Variants in CUBN observed in about 807,000 individuals in gnomAD.
CUBN encodes 460 kDa receptor.
CUBN carries 282 observed loss-of-function variants against 405.3 expected under a neutral mutation model. The observed-to-expected ratio is 0.70, with a 90% CI of 0.63 to 0.77. The LOEUF (loss-of-function observed/expected upper bound fraction) is 0.77, where lower values mean the gene tolerates loss of function less well. CUBN is among the 30% of genes least tolerant of loss of function. The pLI, the probability that CUBN is intolerant of heterozygous loss-of-function variation, is 0.00. For missense variants in CUBN, 4,514 were observed against 4,475.2 expected, an observed-to-expected ratio of 1.01 and a Z score of -0.25; for synonymous variants, 1,684 against 1,617.0, an observed-to-expected ratio of 1.04 and a Z score of -0.99.
chr10:16,912,152 G>C (rs1841751456), intron 48 of CUBN, among the ~76,000 whole-genome samples: 1 of 152,118 alleles, frequency 6.6e-6, no homozygotes, highest in African/African-American at 2.4e-5. Context: ...CAGTCCTTCA[G>C]ATATTAGAAC....
At position 16,899,153 on chromosome 10, in the gene CUBN, C is replaced by T. The variant is rs751059984; in HGVS notation, c.8441G>A (p.Gly2814Asp). ...GCGGIFHSDN[G>D]TIRSPHWPQN... is the part of the protein sequence containing the mutation. ...AGGCCAGTGAGGGGATCTGATTGTACCATTATCAGAATGAAATATTCCACC... is the reference window on the plus strand; with the variant it reads ...AGGCCAGTGAGGGGATCTGATTGTATCATTATCAGAATGAAATATTCCACC... The change falls in exon 54 of 67, where the codon GGT becomes GAT. Residue 2814 changes from glycine to aspartate, a missense_variant. Physicochemically the swap from Gly to Asp is moderately conservative, Grantham distance 94 (BLOSUM62 -1). Around this residue, in one of 5 missense-constraint regions of CUBN, gnomAD observed 1,186 missense variants for 1,186.9 expected, o/e 1.00. Coordinates refer to ENST00000377833, the MANE Select transcript of CUBN (RefSeq NM_001081.4). The T allele has an allele frequency of 5.6e-6, 9 of 1,613,674 alleles. No homozygotes were observed. In the Admixed American group the frequency reaches 1.2e-4, roughly 21 times the overall value.
chr10:17,104,458 G>T lies in CUBN; in HGVS notation c.1378C>A (p.Arg460Ser), dbSNP rs778961539. ...TGACAGAGAGCTCCAGTCCAGAGAC[G>T]TGTGCATTCACAACTGAAAGAATCA... ...GVDSFSCECT[R>S]LWTGALCQVP... The change falls in exon 12 of 67, where the codon CGT becomes AGT. Residue 460 changes from arginine (R) to serine (S), a missense_variant. Physicochemically the swap from Arg to Ser is moderately radical, Grantham distance 110. Transcript: ENST00000377833. 1.9e-6 allele frequency: 3 copies of T among 1,613,864 alleles called. No homozygotes were observed. Among genetic ancestry groups the T allele is most frequent in the Non-Finnish European group, 2.5e-6 (3 of 1,179,994 alleles).
At chr10:16,997,794 A>G (rs576475565) in intron 28 of CUBN, among the ~76,000 whole-genome samples, 54 of 152,284 alleles carry the variant, frequency 3.5e-4, no homozygotes, top group Middle Eastern at 6.8e-3. Flanking sequence ...GTTTGATGTT[A>G]CCAGTTAATT....
chr10:17,107,090 T>C (rs1836652299), intron 10 of CUBN, among the ~76,000 whole-genome samples: 1 of 152,190 alleles, frequency 6.6e-6, no homozygotes, highest in Admixed American at 6.5e-5. Context: ...CGTGTCTATT[T>C]AAAACATGAA....
At chr10:16,931,986 T>C (rs1183140131) in intron 40 of CUBN, among the ~76,000 whole-genome samples, 1 of 152,166 alleles carries the variant, frequency 6.6e-6, no homozygotes, top group Non-Finnish European at 1.5e-5. Flanking sequence ...ACATGAAAAG[T>C]TTTAAATTTC....
At position 16,897,054 on chromosome 10, in the gene CUBN, T is replaced by C. The variant is rs532505786; in HGVS notation, c.8598+1942A>G. On this transcript the variant is annotated intron_variant, in intron 54 of 66. Coordinates refer to ENST00000377833, the MANE Select transcript of CUBN (RefSeq NM_001081.4). Reference sequence around the variant, plus strand: ...TGTTTTTTTGCTGATATTTTCTATTTGTTTCAAGAGAGCTCGTCAGTGATT... The same window carrying C: ...TGTTTTTTTGCTGATATTTTCTATTCGTTTCAAGAGAGCTCGTCAGTGATT... Among the ~76,000 whole-genome samples, 128 of 152,360 alleles carry C rather than the reference T, an allele frequency of 8.4e-4. 1 individual carries two copies. Among genetic ancestry groups the C allele is most frequent in the Non-Finnish European group, 1.6e-3 (106 of 68,030 alleles).
At chr10:16,913,602 G>C (rs1388539712) in intron 48 of CUBN, among the ~76,000 whole-genome samples, 1 of 152,214 alleles carries the variant, frequency 6.6e-6, no homozygotes, top group Non-Finnish European at 1.5e-5. Context: ...CTGATGCACA[G>C]AGTGATAGCT....
At chr10:16,872,551 A>G (rs987972288) in intron 58 of CUBN, among the ~76,000 whole-genome samples, 2 of 152,120 alleles carry the variant, frequency 1.3e-5, no homozygotes, top group Non-Finnish European at 2.9e-5. Context: ...AGTGTTTTAT[A>G]AGAGGCCCTT....
At chr10:17,128,977 C>G in intron 2 of CUBN, 144 bp downstream of exon 2, 1 of 631,416 alleles carries the variant, frequency 1.6e-6, no homozygotes, top group Non-Finnish European at 2.6e-6. Flanking sequence ...TTGAACTTTA[C>G]ACATTATAGG....
At chr10:16,990,125 C>T (rs1476720662) in intron 29 of CUBN, among the ~76,000 whole-genome samples, 2 of 152,248 alleles carry the variant, frequency 1.3e-5, no homozygotes, top group Non-Finnish European at 2.9e-5. Context: ...AACTCAGCTG[C>T]TGCAAGGCCC....
chr10:16,988,360 T>A (rs2131710265), intron 29 of CUBN, among the ~76,000 whole-genome samples: 1 of 152,292 alleles, frequency 6.6e-6, no homozygotes, highest in African/African-American at 2.4e-5. Flanking sequence ...TCCTACTTTG[T>A]GCTGTGAGTG....
chr10:16,882,803 C>G (rs1303848204), intron 56 of CUBN, among the ~76,000 whole-genome samples: 12 of 152,108 alleles, frequency 7.9e-5, no homozygotes, highest in Admixed American at 7.2e-4. Flanking sequence ...CACTTGAGGT[C>G]AGGAGTTTGA....
chr10:17,039,720 G>A (rs1267787031), intron 27 of CUBN, among the ~76,000 whole-genome samples: 3 of 152,086 alleles, frequency 2.0e-5, no homozygotes, highest in East Asian at 1.9e-4. Context: ...TGCCAAGTAC[G>A]TGCTTGTAAG....
intron 47 of CUBN, 73 bp from the exon 48 acceptor site, chr10:16,914,065 A>C: frequency 6.6e-7 from 1 of 1,509,388 alleles, no homozygotes; most frequent in African/African-American, 1.4e-5. Flanking sequence ...AAGCTCTCAA[A>C]ATTCAGGTAT....
intron 28 of CUBN, among the ~76,000 whole-genome samples, chr10:16,997,496 A>G (rs1003694644): frequency 2.0e-5 from 3 of 151,934 alleles, no homozygotes; most frequent in Non-Finnish European, 4.4e-5. Flanking sequence ...ACTGCCAGCA[A>G]GGACCCTTTT....
At chr10:16,949,211 C>A (rs190218341) in intron 34 of CUBN, among the ~76,000 whole-genome samples, 1 of 152,276 alleles carries the variant, frequency 6.6e-6, no homozygotes, top group East Asian at 1.9e-4. Context: ...TACCCTTATC[C>A]TTGGTCAAAT....
At chr10:16,843,693 G>A (rs1346494421) in intron 60 of CUBN, among the ~76,000 whole-genome samples, 1 of 152,070 alleles carries the variant, frequency 6.6e-6, no homozygotes, top group Admixed American at 6.5e-5. Flanking sequence ...CCAGGCCTCT[G>A]TGCTAGATCC....
intron 66 of CUBN, among the ~76,000 whole-genome samples, chr10:16,826,578 GA>G (rs983550955): frequency 2.6e-4 from 40 of 151,056 alleles, no homozygotes; most frequent in African/African-American, 9.0e-4. Context: ...GTACCTTTAA[GA>G]AAAAAAACAA....
chr10:16,903,818 A>T (rs1419246911), intron 51 of CUBN, 148 bp downstream of exon 51: 1 of 450,004 alleles, frequency 2.2e-6, no homozygotes, highest in East Asian at 3.7e-5. Flanking sequence ...CCAATTAAAA[A>T]ATGTAATTTA....
Sources: allele counts gnomAD v4.1 joint callset (sites outside exome capture counted in the v4.1 genomes callset), GRCh38; gene constraint gnomAD v4.1.1; regional missense constraint gnomAD v4.1.1; transcripts MANE v1.5; gene names NCBI Gene and HGNC (gene_info 2026-07-23, HGNC 2026-07-21).